TSHZ3: variants seen among roughly 807,000 people sequenced by gnomAD.
TSHZ3 encodes teashirt homolog 3.
A neutral mutation model predicts 64.5 loss-of-function variants in TSHZ3; 10 were observed. The ratio of observed to expected loss-of-function variants is 0.16; its 90% CI spans 0.10 to 0.26. The LOEUF is 0.26. TSHZ3 is among the 10% of genes least tolerant of loss of function. TSHZ3 has a pLI of 1.00. For synonymous variants in TSHZ3, 608 were observed against 593.1 expected, an observed-to-expected ratio of 1.03 and a Z score of -0.36; for missense variants, 1,242 against 1,421.7, an observed-to-expected ratio of 0.87 and a Z score of 2.03.
At chr19:31,232,969 G>A (rs1238260089) in intron 3 of TSHZ3, among the ~76,000 whole-genome samples, 1 of 152,030 alleles carries the variant, frequency 6.6e-6, no homozygotes, top group East Asian at 1.9e-4. Context: ...ATTTCCAGTT[G>A]GTGGACATTT....
At chr19:31,295,382 C>T (rs1378624988) in intron 1 of TSHZ3, among the ~76,000 whole-genome samples, 1 of 152,222 alleles carries the variant, frequency 6.6e-6, no homozygotes, top group African/African-American at 2.4e-5. Flanking sequence ...CTATTCACAA[C>T]AGCAAAGCAA....
intron 1 of TSHZ3, among the ~76,000 whole-genome samples, chr19:31,292,775 CATTCATCCATCCAAAAACAT>C (rs1258527029): frequency 6.8e-6 from 1 of 147,396 alleles, no homozygotes; most frequent in Non-Finnish European, 1.5e-5. Context: ...TCCACCCACC[CATTCATCCATCCAAAAACAT>C]ATCCATCCAT....
In TSHZ3 at chr19:31,306,739, A is replaced by T. The variant is rs377598180; in HGVS notation, c.41-26987T>A. 1.2e-3 allele frequency among the ~76,000 whole-genome samples: 185 copies of T among 152,332 alleles called. 1 individual carries two copies. In the East Asian group the frequency reaches 0.027, roughly 22 times the overall value. ...TAATTATAACTAATTATGCTTCTAA[A>T]TATGTTCTTTAGGGTTACACGTGTA... is the stretch of plus-strand genomic sequence containing the variant. On this transcript the variant is annotated intron_variant, in intron 1 of 1. Transcript: ENST00000240587.
intron 1 of TSHZ3, among the ~76,000 whole-genome samples, chr19:31,346,147 G>A (rs1917586759): frequency 6.6e-6 from 1 of 152,096 alleles, no homozygotes; most frequent in South Asian, 2.1e-4. Flanking sequence ...TTCGGCCTTC[G>A]GGAAAGCAAT....
intron 5 of TSHZ3, among the ~76,000 whole-genome samples, chr19:31,198,998 G>A (rs1975033156): frequency 6.6e-6 from 1 of 152,172 alleles, no homozygotes; most frequent in Admixed American, 6.6e-5. Context: ...GAACAAAGTT[G>A]TGTCACTGAC....
intron 1 of TSHZ3, among the ~76,000 whole-genome samples, chr19:31,256,579 T>C (rs1283405820): frequency 6.6e-6 from 1 of 152,180 alleles, no homozygotes; most frequent in Non-Finnish European, 1.5e-5. Context: ...GTACAGAGTA[T>C]GTTCATTCTT....
Position 31,277,531 on chromosome 19 carries a change from G to A in TSHZ3, c.2262C>T (p.Ser754=), listed in dbSNP as rs758367996. The change falls in exon 2 of 2, where the codon AGC becomes AGT. Residue 754 remains serine, a synonymous_variant. Coordinates refer to ENST00000240587, the MANE Select transcript of TSHZ3 (RefSeq NM_020856.4). The surrounding 1 kb of genome is among the most constrained non-coding windows in gnomAD (Gnocchi z 4.5). ...LDPMSMLFKM[S]NSLAEKAAVA... ...CAGCAGCCTTCTCCGCCAGGCTGTT[G>A]CTCATCTTGAAAAGCATGCTCATGG... 4 of 1,602,354 alleles carry A rather than the reference G, an allele frequency of 2.5e-6. No individual in the cohort carries two copies. The South Asian group carries it at 3.3e-5, about 13-fold the overall frequency.
In TSHZ3 at chr19:31,276,631, G is replaced by A. The variant is rs145440380; in HGVS notation, c.3162C>T (p.His1054=). ...KLCNRTFASK[H]AVKLHLSKTH... ...TTTTGCTAAGGTGAAGTTTAACAGC[G>A]TGCTTGCTGGCAAAGGTCCGATTGC... Residue 1054 remains histidine (H), a synonymous_variant, in exon 2 of 2, where the codon CAC becomes CAT. Coordinates refer to ENST00000240587, the MANE Select transcript of TSHZ3 (RefSeq NM_020856.4). The A allele has an allele frequency of 1.0e-3, 1,649 of 1,611,292 alleles. 3 individuals are homozygous for A. The highest frequency in any genetic ancestry group is 1.3e-3 in the Non-Finnish European group (1,483 of 1,177,704).
chr19:31,332,318 C>T (rs937436063), intron 1 of TSHZ3, among the ~76,000 whole-genome samples: 2 of 152,212 alleles, frequency 1.3e-5, no homozygotes, highest in Admixed American at 1.3e-4. Flanking sequence ...CTGCTTAATA[C>T]CCCTGGAATG....
chr19:31,318,610 T>C (rs1916673122), intron 1 of TSHZ3, among the ~76,000 whole-genome samples: 1 of 152,164 alleles, frequency 6.6e-6, no homozygotes, highest in East Asian at 1.9e-4. Flanking sequence ...TTTTGTAAAA[T>C]ATCTTATTTT....
chr19:31,227,570 A>T (rs1975484512), intron 4 of TSHZ3, among the ~76,000 whole-genome samples: 1 of 152,168 alleles, frequency 6.6e-6, no homozygotes, highest in South Asian at 2.1e-4. Context: ...AGAAGGGGGA[A>T]GAAAGAGAGG....
At chr19:31,280,053 GCA>G (rs993740825) in intron 1 of TSHZ3, among the ~76,000 whole-genome samples, 1 of 151,654 alleles carries the variant, frequency 6.6e-6, no homozygotes, top group African/African-American at 2.4e-5. Context: ...AATTAATGAA[GCA>G]CATTCTGGAG....
intron 1 of TSHZ3, among the ~76,000 whole-genome samples, chr19:31,337,457 G>A (rs62102602): frequency 0.018 from 2,758 of 152,252 alleles, 42 homozygotes; most frequent in Non-Finnish European, 0.029. Context: ...AATTGTTCCT[G>A]CAAATTGGCA....
At chr19:31,166,091 C>T (rs943658150) in intron 5 of TSHZ3, among the ~76,000 whole-genome samples, 5 of 152,176 alleles carry the variant, frequency 3.3e-5, no homozygotes, top group Non-Finnish European at 7.4e-5. Flanking sequence ...TTTTCTAATT[C>T]AGTTATTCCT....
At chr19:31,304,664 G>T (rs1366729087) in intron 1 of TSHZ3, among the ~76,000 whole-genome samples, 1 of 152,216 alleles carries the variant, frequency 6.6e-6, no homozygotes, top group East Asian at 1.9e-4. Context: ...GCATATGTGA[G>T]TTAGAGGGAA....
At chr19:31,182,091 A>G (rs1033474972) in intron 5 of TSHZ3, among the ~76,000 whole-genome samples, 2 of 152,190 alleles carry the variant, frequency 1.3e-5, no homozygotes, top group African/African-American at 4.8e-5. Context: ...ACATAGAGAT[A>G]AAGTAATTTT....
intron 5 of TSHZ3, among the ~76,000 whole-genome samples, chr19:31,187,790 G>T (rs1974835993): frequency 6.6e-6 from 1 of 151,994 alleles, no homozygotes; most frequent in African/African-American, 2.4e-5. Flanking sequence ...TAATCTATTT[G>T]TCTGTTTCAC....
intron 5 of TSHZ3, among the ~76,000 whole-genome samples, chr19:31,193,878 AT>A (rs1285974633): frequency 6.6e-6 from 1 of 152,168 alleles, no homozygotes; most frequent in African/African-American, 2.4e-5. Context: ...ATTAGTAGAA[AT>A]TTTTTAGAAA....
intron 1 of TSHZ3, among the ~76,000 whole-genome samples, chr19:31,295,410 G>T (rs761096219): frequency 5.3e-5 from 8 of 152,202 alleles, no homozygotes; most frequent in Non-Finnish European, 8.8e-5. Flanking sequence ...GGATTCAAAT[G>T]TCTACCACCA....
Sources: gnomAD v4.1 joint callset for allele counts (sites outside exome capture counted in the v4.1 genomes callset) on GRCh38, gnomAD v4.1.1 for gene constraint, Gnocchi (gnomAD v3.1) non-coding constraint, MANE v1.5 for transcripts, NCBI Gene and HGNC (gene_info 2026-07-23, HGNC 2026-07-21) for gene names.